Variants in PCNX3 observed in about 807,000 individuals in gnomAD.
PCNX3 encodes pecanex 3.
In PCNX3, 58 loss-of-function variants were observed where a neutral mutation model predicts 207.2. The ratio of observed to expected loss-of-function variants is 0.28; its 90% CI spans 0.23 to 0.35. PCNX3 has a LOEUF of 0.35. Ranked by LOEUF, PCNX3 falls within the 10% of genes least tolerant of loss-of-function variation. PCNX3 has a pLI of 1.00. For missense variants in PCNX3, 2,410 were observed against 2,774.4 expected (o/e 0.87, Z 2.95); for synonymous variants, 1,337 against 1,183.5 (o/e 1.13, Z -2.66).
Position 65,636,422 on chromosome 11 carries a change from T to A in PCNX3, c.5625T>A (p.Pro1875=). 1.9e-6 allele frequency: 3 copies of A among 1,555,362 alleles called. No homozygotes were observed. Among genetic ancestry groups the A allele is most frequent in the Non-Finnish European group, 2.6e-6 (3 of 1,151,732 alleles). Reference sequence around the variant, plus strand: ...GTGACCAACCCCTCCCACCAGGCCCTGGCTGGGGGCCGCGGTCCTCCCTGA... The same window carrying A: ...GTGACCAACCCCTCCCACCAGGCCCAGGCTGGGGGCCGCGGTCCTCCCTGA... ...GNGDQPLPPG[P]GWGPRSSLSG... Residue 1875 remains proline (P), a synonymous_variant, in exon 34 of 35, where the codon CCT becomes CCA. Coordinates refer to ENST00000355703, the MANE Select transcript of PCNX3 (RefSeq NM_032223.4).
At chr11:65,619,470 C>A in intron 6 of PCNX3, 67 bp from the exon 7 acceptor site, 2 of 1,576,922 alleles carry the variant, frequency 1.3e-6, no homozygotes, top group South Asian at 1.1e-5. Flanking sequence ...AACACCGTCC[C>A]CAACCTTACT....
rs1854847906 is a variant in PCNX3 at position 65,618,096 on chromosome 11, T to C, written c.734T>C (p.Leu245Pro). The C allele has an allele frequency of 2.5e-6, 4 of 1,610,010 alleles. No individual in the cohort carries two copies. The highest frequency in any genetic ancestry group is 3.4e-6 in the Non-Finnish European group (4 of 1,178,682). Residue 245 changes from leucine to proline, a missense_variant, in exon 6 of 35, where the codon CTC (leucine) becomes CCC (proline). Leu to Pro is a moderately conservative substitution (Grantham distance 98). Coordinates refer to ENST00000355703, the MANE Select transcript of PCNX3 (RefSeq NM_032223.4). ...TPMSPLLKGSLSQELSKSFLT... is the reference protein window; with the variant it reads ...TPMSPLLKGSPSQELSKSFLT... ...ATGAGCCCCCTGCTGAAGGGGAGCC[T>C]CAGCCAGGAGCTGAGCAAGAGCTTC... is the stretch of plus-strand genomic sequence containing the variant.
At chr11:65,616,751 T>C in intron 1 of PCNX3, 73 bp from the exon 2 acceptor site, 2 of 1,498,530 alleles carry the variant, frequency 1.3e-6, no homozygotes, top group Admixed American at 3.8e-5. Context: ...ATCCCAGCTA[T>C]GATGTTGATG....
In PCNX3 at chr11:65,623,945, C is replaced by T. The variant is rs751282046; in HGVS notation, c.2528C>T (p.Ala843Val). 5.6e-6 allele frequency: 9 copies of T among 1,612,138 alleles called. No individual in the cohort carries two copies. The highest frequency in any genetic ancestry group is 6.8e-6 in the Non-Finnish European group (8 of 1,179,874). ...YSLLKSVQPD[A>V]ASPMHGHNWV... ...CTCTTCCAGAGCGTGCAGCCTGATG[C>T]GGCGTCCCCCATGCACGTGAGTACC... Residue 843 changes from alanine (A) to valine (V), a missense_variant, in exon 13 of 35, where the codon GCG becomes GTG. Coordinates refer to ENST00000355703, the MANE Select transcript of PCNX3 (RefSeq NM_032223.4).
chr11:65,625,619 C>A lies in PCNX3; in HGVS notation c.3136-33C>A. On this transcript the variant is annotated intron_variant, in intron 18 of 34. Transcript: ENST00000355703. This position sits in a 1 kb window ranked among gnomAD's most constrained non-coding sequence, Gnocchi z 5.6. ...CTGGGCAGCTGAGTGTCTCTCCTGGCCGGGCAGCTGAATGTCTCTCCTGGC... is the reference window on the plus strand; with the variant it reads ...CTGGGCAGCTGAGTGTCTCTCCTGGACGGGCAGCTGAATGTCTCTCCTGGC... The A allele has an allele frequency of 6.2e-7, 1 of 1,600,648 alleles. No individual in the cohort carries two copies. The highest frequency in any genetic ancestry group is 8.5e-7 in the Non-Finnish European group (1 of 1,171,494).
At chr11:65,627,670 GC>G in intron 22 of PCNX3, 88 bp downstream of exon 22, 1 of 1,489,174 alleles carries the variant, frequency 6.7e-7, no homozygotes, top group African/African-American at 1.4e-5. Flanking sequence ...TTTCCTGAGG[GC>G]CTGTGGCCAC....
intron 27 of PCNX3, among the ~76,000 whole-genome samples, chr11:65,631,343 A>G (rs1219359618): frequency 1.3e-5 from 2 of 152,092 alleles, no homozygotes; most frequent in African/African-American, 2.4e-5. Flanking sequence ...GGGTTATTGC[A>G]GTTCTCTGAG....
intron 27 of PCNX3, among the ~76,000 whole-genome samples, chr11:65,631,552 G>A (rs1855616664): frequency 1.3e-5 from 2 of 152,142 alleles, no homozygotes; most frequent in Non-Finnish European, 2.9e-5. Flanking sequence ...CCAGCTACTT[G>A]GGACGCTGAG....
At chr11:65,623,725 T>TA in intron 12 of PCNX3, 81 bp downstream of exon 12, 3 of 1,561,850 alleles carry the variant, frequency 1.9e-6, no homozygotes, top group Middle Eastern at 1.7e-4. Context: ...TTTTAAGGAG[T>TA]ATAAGCTGAA....
At chr11:65,622,511 G>A in intron 11 of PCNX3, 145 bp downstream of exon 11, 1 of 1,096,698 alleles carries the variant, frequency 9.1e-7, no homozygotes, top group Non-Finnish European at 1.3e-6. Flanking sequence ...GGAGTCTGCA[G>A]TGGTGGTTTC....
chr11:65,618,561 G>A lies in PCNX3; in HGVS notation c.1199G>A (p.Arg400Lys), dbSNP rs1213469164. Residue 400 changes from arginine (R) to lysine (K), a missense_variant, in exon 6 of 35, where the codon AGA (arginine) becomes AAA (lysine). Arg to Lys is a conservative substitution (Grantham distance 26). This residue lies in a region of PCNX3 where 1,104 missense variants were observed against 970.3 expected (regional missense o/e 1.14). Transcript: ENST00000355703. ...RPSKRQPPLR[R>K]HSPPGRAPRR... The stretch of plus-strand genomic sequence containing the variant: ...AGCAAACGGCAGCCACCCCTGCGAA[G>A]ACACTCTCCACCTGGCCGTGCCCCT... 6.2e-7 allele frequency: 1 copy of A among 1,611,638 alleles called. No individual in the cohort carries two copies. The highest frequency in any genetic ancestry group is 8.5e-7 in the Non-Finnish European group (1 of 1,179,562).
chr11:65,622,292 C>T lies in PCNX3; in HGVS notation c.2283C>T (p.Tyr761=). ...CGCCACCCCGGGCCCAGCATAGTTA[C>T]AAGTACTGGCTTCTCCCTGGCCGCT... is the stretch of plus-strand genomic sequence containing the variant. The part of the protein sequence containing the change: ...EEAPPRAQHS[Y]KYWLLPGRWT... Residue 761 remains tyrosine (Y), a synonymous_variant, in exon 11 of 35, where the codon TAC becomes TAT. Transcript: ENST00000355703. 3.1e-6 allele frequency: 5 copies of T among 1,600,822 alleles called. No individual in the cohort carries two copies. Among genetic ancestry groups the T allele is most frequent in the South Asian group, 2.3e-5 (2 of 88,466 alleles).
At position 65,617,322 on chromosome 11, in the gene PCNX3, C is replaced by T; in HGVS notation, c.414C>T (p.His138=). The T allele has an allele frequency of 1.2e-6, 2 of 1,613,040 alleles. No homozygotes were observed. The highest frequency in any genetic ancestry group is 8.5e-7 in the Non-Finnish European group (1 of 1,179,594). ...STPPVRCSSQ[H]SVFGFNQVSE... ...CCCCGGTGCGCTGCAGCTCCCAGCA[C>T]TCTGTGTTTGGCTTCAACCAGGTCT... The change falls in exon 3 of 35, where the codon CAC becomes CAT. Residue 138 remains histidine (H), a synonymous_variant. Coordinates refer to ENST00000355703, the MANE Select transcript of PCNX3 (RefSeq NM_032223.4).
intron 24 of PCNX3, 73 bp from the exon 25 acceptor site, chr11:65,629,284 G>A (rs1020796869): frequency 6.8e-7 from 1 of 1,469,024 alleles, no homozygotes; most frequent in Non-Finnish European, 9.4e-7. Flanking sequence ...TTGTGGCACA[G>A]GGAGAGCATG....
Position 65,617,348 on chromosome 11 carries a change from C to T in PCNX3, c.440C>T (p.Ser147Leu), listed in dbSNP as rs771430502. 16 of 1,613,022 alleles carry T rather than the reference C, an allele frequency of 9.9e-6. No homozygotes were observed. Among genetic ancestry groups the T allele is most frequent in the South Asian group, 4.4e-5 (4 of 90,882 alleles). Residue 147 changes from serine (S) to leucine (L), a missense_variant and splice_region_variant, in exon 3 of 35, where the codon TCG (serine) becomes TTG (leucine). Around this residue, in one of 8 missense-constraint regions of PCNX3, gnomAD observed 1,104 missense variants for 970.3 expected, o/e 1.14. Transcript: ENST00000355703. ...TCTGTGTTTGGCTTCAACCAGGTCT[C>T]GGTGAGTGGGCCTGGACCTCAGCTT... ...QHSVFGFNQV[S>L]ELLPRMEDSG...
chr11:65,624,890 G>A (rs369765265), intron 15 of PCNX3, 35 bp from the exon 16 acceptor site: 5 of 1,580,418 alleles, frequency 3.2e-6, no homozygotes, highest in Admixed American at 3.5e-5. Flanking sequence ...GTACCTGCAA[G>A]TGAGAGCTGG....
chr11:65,623,527 C>G lies in PCNX3; in HGVS notation c.2394C>G (p.Gly798=). ...TGCTGGAGAACATCTTCGGCGTGGG[C>G]CTGAGCAGCCTTGTGGCCTTCCTGG... ...RGVLENIFGV[G]LSSLVAFLGY... is the part of the protein sequence containing the mutation. The change falls in exon 12 of 35, where the codon GGC becomes GGG. Residue 798 remains glycine, a synonymous_variant. Transcript: ENST00000355703. 6.2e-7 allele frequency: 1 copy of G among 1,613,514 alleles called. No individual in the cohort carries two copies. Among genetic ancestry groups the G allele is most frequent in the Middle Eastern group, 1.7e-4 (1 of 6,046 alleles).
Position 65,627,685 on chromosome 11 carries a change from T to C in PCNX3, c.3702+103T>C. On this transcript the variant is annotated intron_variant, in intron 22 of 34. Coordinates refer to ENST00000355703, the MANE Select transcript of PCNX3 (RefSeq NM_032223.4). Reference sequence around the variant, plus strand: ...TTTCCTGAGGGCCTGTGGCCACCGCTCTGTATCAGCCCCGTGGGCCTTTGC... The same window carrying C: ...TTTCCTGAGGGCCTGTGGCCACCGCCCTGTATCAGCCCCGTGGGCCTTTGC... 3 of 1,393,610 alleles carry C rather than the reference T, an allele frequency of 2.2e-6. 1 individual carries two copies. The highest frequency in any genetic ancestry group is 2.5e-5 in the South Asian group (2 of 78,828). The allele number at this position is 1,393,610 out of a possible 1,614,324, so 86.3% of individuals were successfully genotyped here.
At chr11:65,620,696 C>T (rs1203532722) in intron 9 of PCNX3, 135 bp from the exon 10 acceptor site, 4 of 1,250,778 alleles carry the variant, frequency 3.2e-6, no homozygotes, top group African/African-American at 1.5e-5. Flanking sequence ...GCCACCTGAC[C>T]CCAGCACTTG....
Sources: allele counts gnomAD v4.1 joint callset (sites outside exome capture counted in the v4.1 genomes callset), GRCh38; gene constraint gnomAD v4.1.1; regional missense constraint gnomAD v4.1.1; non-coding constraint Gnocchi (gnomAD v3.1); transcripts MANE v1.5; gene names NCBI Gene and HGNC (gene_info 2026-07-23, HGNC 2026-07-21).